The following RARB variants were observed in gnomAD, a reference collection of about 807,000 sequenced individuals.
RARB encodes the protein retinoic acid receptor beta, also known as HBV-activated protein.
Under a neutral mutation model 51.9 loss-of-function variants are expected in RARB, and 17 were observed. The observed-to-expected ratio is 0.33, with a 90% CI of 0.22 to 0.49. The LOEUF (loss-of-function observed/expected upper bound fraction) is 0.49, where lower values mean the gene tolerates loss of function less well. Ranked by LOEUF, RARB falls within the 20% of genes least tolerant of loss-of-function variation. The pLI is 0.99. For missense variants in RARB, 369 were observed against 550.8 expected (o/e 0.67, Z 3.30); for synonymous variants, 215 against 195.4 (o/e 1.10, Z -0.84).
chr3:24,965,517 A>G (rs1696236332), intron 2 of RARB, among the ~76,000 whole-genome samples: 1 of 152,146 alleles, frequency 6.6e-6, no homozygotes, highest in African/African-American at 2.4e-5. Flanking sequence ...GTGATATTTT[A>G]TGACCATGAG....
At chr3:25,098,895 T>A (rs1699348655) in intron 3 of RARB, among the ~76,000 whole-genome samples, 1 of 152,326 alleles carries the variant, frequency 6.6e-6, no homozygotes, top group African/African-American at 2.4e-5. Context: ...GTTCTTCATT[T>A]TATTAGGCTT....
chr3:25,104,370 A>G (rs930596238), intron 3 of RARB, among the ~76,000 whole-genome samples: 6 of 152,168 alleles, frequency 3.9e-5, no homozygotes, highest in Non-Finnish European at 8.8e-5. Flanking sequence ...CTAGGTATAA[A>G]TAGGCACTTT....
chr3:25,410,474 G>T (rs2125500224), intron 5 of RARB, among the ~76,000 whole-genome samples: 1 of 152,302 alleles, frequency 6.6e-6, no homozygotes, highest in Non-Finnish European at 1.5e-5. Flanking sequence ...TTTCATTCTT[G>T]TATTTATTCA....
At chr3:24,906,515 G>T (rs962010434) in intron 2 of RARB, among the ~76,000 whole-genome samples, 1 of 152,068 alleles carries the variant, frequency 6.6e-6, no homozygotes, top group Admixed American at 6.6e-5. Flanking sequence ...ATTTTGGGAA[G>T]GCTAACTTCT....
intron 5 of RARB, among the ~76,000 whole-genome samples, chr3:25,301,224 CATT>C (rs1217865520): frequency 6.6e-6 from 1 of 152,140 alleles, no homozygotes; most frequent in Non-Finnish European, 1.5e-5. Context: ...GACATAACCT[CATT>C]ATAAGTGGAG....
At chr3:24,889,244 G>C (rs545133595) in intron 2 of RARB, among the ~76,000 whole-genome samples, 1 of 152,086 alleles carries the variant, frequency 6.6e-6, no homozygotes, top group Admixed American at 6.6e-5. Flanking sequence ...ATCACCTTTT[G>C]CAGTAGTTTT....
At chr3:25,224,837 T>C (rs1289917408) in intron 5 of RARB, among the ~76,000 whole-genome samples, 1 of 151,920 alleles carries the variant, frequency 6.6e-6, no homozygotes, top group East Asian at 1.9e-4. Context: ...ACTCCTAGGC[T>C]CGAGCAATCC....
At chr3:25,354,748 C>T (rs972679767) in intron 5 of RARB, among the ~76,000 whole-genome samples, 2 of 152,108 alleles carry the variant, frequency 1.3e-5, no homozygotes, top group Non-Finnish European at 2.9e-5. Flanking sequence ...GTTAGATACA[C>T]TGAGCAATCA....
At chr3:25,146,334 C>T (rs1035726150) in intron 4 of RARB, among the ~76,000 whole-genome samples, 6 of 152,064 alleles carry the variant, frequency 3.9e-5, no homozygotes, top group Admixed American at 2.0e-4. Context: ...GGGGGGACCA[C>T]ATATCATCTT....
chr3:25,122,628 T>A (rs555926050), intron 3 of RARB, among the ~76,000 whole-genome samples: 3 of 152,262 alleles, frequency 2.0e-5, no homozygotes, highest in South Asian at 4.1e-4. Context: ...TACTCTGATA[T>A]CACTTTCCTC....
chr3:25,130,066 A>C (rs1699921468), intron 3 of RARB, among the ~76,000 whole-genome samples: 1 of 152,088 alleles, frequency 6.6e-6, no homozygotes, highest in Non-Finnish European at 1.5e-5. Flanking sequence ...TTAGTATGGG[A>C]AACTATAGGC....
chr3:25,066,470 G>A (rs536575551), intron 3 of RARB, among the ~76,000 whole-genome samples: 1 of 152,252 alleles, frequency 6.6e-6, no homozygotes, highest in Admixed American at 6.5e-5. Context: ...AGTCACTTAG[G>A]AATAAAGGCA....
intron 5 of RARB, among the ~76,000 whole-genome samples, chr3:25,393,000 A>G (rs6794839): frequency 0.31 from 47,687 of 151,914 alleles, 7,832 homozygotes; most frequent in Admixed American, 0.4. Context: ...GATTTTCCCC[A>G]TACAGTATAA....
At chr3:25,390,162 G>T (rs1226664006) in intron 5 of RARB, among the ~76,000 whole-genome samples, 1 of 152,124 alleles carries the variant, frequency 6.6e-6, no homozygotes, top group African/African-American at 2.4e-5. Context: ...AGATTGTGAG[G>T]ATAGGGCCCT....
chr3:25,138,875 G>A (rs1193952317), intron 4 of RARB, among the ~76,000 whole-genome samples: 1 of 152,144 alleles, frequency 6.6e-6, no homozygotes, highest in Non-Finnish European at 1.5e-5. Flanking sequence ...TGGCAACCCT[G>A]TGTTGATCAA....
Position 25,507,871 on chromosome 3 carries a change from T to C in RARB, c.448+6548T>C, listed in dbSNP as rs930432891. On this transcript the variant is annotated intron_variant, in intron 3 of 7. Coordinates refer to ENST00000330688, the MANE Select transcript of RARB (RefSeq NM_000965.5). ...GGTTAGGCTAGGTTCCCATGGGTCA[T>C]TGGCCTCCTCCAAGACTGGGTGCCC... Among the ~76,000 whole-genome samples the C allele has an allele frequency of 3.3e-5, 5 of 152,134 alleles. No individual in the cohort carries two copies. The East Asian group carries it at 7.7e-4, about 24-fold the overall frequency.
intron 5 of RARB, among the ~76,000 whole-genome samples, chr3:25,212,543 A>G (rs922477198): frequency 3.9e-5 from 6 of 152,198 alleles, no homozygotes; most frequent in East Asian, 1.9e-4. Flanking sequence ...GCTTGAACCC[A>G]GGAGGCGGAG....
chr3:25,066,583 A>C (rs1183661252), intron 3 of RARB, among the ~76,000 whole-genome samples: 2 of 149,932 alleles, frequency 1.3e-5, no homozygotes, highest in African/African-American at 5.0e-5. Flanking sequence ...GTATGTATGC[A>C]TATGTGCACA....
intron 2 of RARB, among the ~76,000 whole-genome samples, chr3:24,953,664 C>T (rs939092985): frequency 6.6e-6 from 1 of 152,142 alleles, no homozygotes; most frequent in Non-Finnish European, 1.5e-5. Flanking sequence ...TCTCATATGT[C>T]AGAAGAGGCC....
Sources: gnomAD v4.1 joint callset for allele counts (sites outside exome capture counted in the v4.1 genomes callset) on GRCh38, gnomAD v4.1.1 for gene constraint, MANE v1.5 for transcripts, NCBI Gene and HGNC (gene_info 2026-07-23, HGNC 2026-07-21) for gene names.